Variants in TRIM60 observed in about 807,000 individuals in gnomAD.
The protein encoded by TRIM60 is tripartite motif-containing protein 60.
For missense variants in TRIM60, 524 were observed against 540.8 expected, an observed-to-expected ratio of 0.97 and a Z score of 0.31; for synonymous variants, 189 against 195.2, an observed-to-expected ratio of 0.97 and a Z score of 0.27.
intron 1 of TRIM60, among the ~76,000 whole-genome samples, chr4:165,037,559 G>A (rs1579180541): frequency 6.6e-6 from 1 of 151,968 alleles, no homozygotes; most frequent in African/African-American, 2.4e-5. Context: ...TCTTGATCTC[G>A]TGATCTGCCT....
At chr4:165,036,480 T>A (rs1579179640) in intron 1 of TRIM60, among the ~76,000 whole-genome samples, 1 of 152,150 alleles carries the variant, frequency 6.6e-6, no homozygotes, top group East Asian at 1.9e-4. Context: ...AGTGACAAAT[T>A]GTGGATGTCC....
rs1021956991 is a variant in TRIM60, at chr4:165,041,052, G to A, written c.980G>A (p.Cys327Tyr). The A allele has an allele frequency of 6.2e-7, 1 of 1,614,062 alleles. No individual in the cohort carries two copies. The highest frequency in any genetic ancestry group is 1.6e-4 in the Middle Eastern group (1 of 6,062). The change falls in exon 3 of 3, where the codon TGT becomes TAT. Residue 327 changes from cysteine to tyrosine, a missense_variant. Physicochemically the swap from Cys to Tyr is radical, Grantham distance 194. Coordinates refer to ENST00000512596, the MANE Select transcript of TRIM60 (RefSeq NM_152620.3). ...VRYERKKRNI[C>Y]YDPRRFYVCP... is the part of the protein sequence containing the mutation. ...TATGAAAGAAAAAAACGAAACATTT[G>A]TTATGACCCAAGGAGATTTTATGTC...
intron 1 of TRIM60, among the ~76,000 whole-genome samples, chr4:165,037,806 A>G (rs1351407484): frequency 2.0e-5 from 3 of 152,148 alleles, no homozygotes; most frequent in African/African-American, 7.2e-5. Flanking sequence ...CCTAAATTTT[A>G]TCTTTTGTAA....
At position 165,040,970 on chromosome 4, in the gene TRIM60, G is replaced by A. The variant is rs775207569; in HGVS notation, c.898G>A (p.Asp300Asn). The A allele has an allele frequency of 6.8e-6, 11 of 1,614,060 alleles. No homozygotes were observed. Among genetic ancestry groups the A allele is most frequent in the Non-Finnish European group, 9.3e-6 (11 of 1,179,946 alleles). The change falls in exon 3 of 3, where the codon GAT (aspartate) becomes AAT (asparagine). Residue 300 changes from aspartate to asparagine, a missense_variant. Asp to Asn is a conservative substitution (Grantham distance 23). Transcript: ENST00000512596. ...IKPFQVDVIL[D>N]LNTAHPQLLV... is the part of the protein sequence containing the mutation. ...GCCATTTCAAGTAGATGTGATTCTA[G>A]ATCTCAACACAGCACATCCTCAACT... is the stretch of plus-strand genomic sequence containing the variant.
At position 165,040,667 on chromosome 4, in the gene TRIM60, G is replaced by T. The variant is rs995040322; in HGVS notation, c.595G>T (p.Glu199Ter). The change falls in exon 3 of 3, where the codon GAG (glutamate) becomes TAG (stop). Residue 199 changes from glutamate to a stop codon, truncating the protein, a stop_gained. Transcript: ENST00000512596. LOFTEE classifies it low-confidence loss of function (END_TRUNC). Reference protein sequence around the residue: ...QIRLFLQNEQEMILRQIQDEE... With the variant: ...QIRLFLQNEQ ...AAGATTGTTTTTACAGAATGAACAA[G>T]AGATGATTCTTAGGCAGATACAAGA... 1 of 1,613,762 alleles carries T rather than the reference G, an allele frequency of 6.2e-7. No homozygotes were observed. The highest frequency in any genetic ancestry group is 1.3e-5 in the African/African-American group (1 of 74,920).
intron 1 of TRIM60, among the ~76,000 whole-genome samples, chr4:165,038,289 A>G (rs1733668524): frequency 6.6e-6 from 1 of 152,240 alleles, no homozygotes; most frequent in Non-Finnish European, 1.5e-5. Flanking sequence ...AATAGTACAT[A>G]CTCCATTTTT....
chr4:165,041,565 AAG>A lies in TRIM60; in HGVS notation c.*78_*79del. On this transcript the variant is annotated 3_prime_UTR_variant, in exon 3 of 3. Coordinates refer to ENST00000512596, the MANE Select transcript of TRIM60 (RefSeq NM_152620.3). ...ATTTAATCTCATTTCTGGACTCTTT[AAG>A]TTTTACCACTGAAAACCAGAGTCGA... The A allele has an allele frequency of 9.2e-7, 1 of 1,081,370 alleles. No individual in the cohort carries two copies. The highest frequency in any genetic ancestry group is 1.3e-6 in the Non-Finnish European group (1 of 786,794). 67.0% of individuals were successfully genotyped at this position (1,081,370 alleles called of 1,614,324 possible).
intron 1 of TRIM60, among the ~76,000 whole-genome samples, chr4:165,036,447 C>T (rs1466062204): frequency 6.6e-6 from 1 of 151,676 alleles, no homozygotes; most frequent in African/African-American, 2.4e-5. Flanking sequence ...TCTTAATTTC[C>T]CCCTCATTAG....
Position 165,041,603 on chromosome 4 carries a change from A to G in TRIM60, c.*115A>G, listed in dbSNP as rs1453190121. The G allele has an allele frequency of 5.8e-6, 4 of 689,768 alleles. No individual in the cohort carries two copies. Among genetic ancestry groups the G allele is most frequent in the Non-Finnish European group, 8.9e-6 (4 of 447,816 alleles). The allele number at this position is 689,768 out of a possible 1,614,324, so 42.7% of individuals were successfully genotyped here. Reference sequence around the variant, plus strand: ...GAAAACCAGAGTCGATTTTTCTCCTAAATTTTTGGCAACTATAAGATGTTC... The same window carrying G: ...GAAAACCAGAGTCGATTTTTCTCCTGAATTTTTGGCAACTATAAGATGTTC... On this transcript the variant is annotated 3_prime_UTR_variant, in exon 3 of 3. Transcript: ENST00000512596.
intron 1 of TRIM60, among the ~76,000 whole-genome samples, chr4:165,032,865 C>T (rs1259138658): frequency 6.6e-6 from 1 of 152,116 alleles, no homozygotes; most frequent in Non-Finnish European, 1.5e-5. Flanking sequence ...TTTATATTCA[C>T]TGAGCCCACA....
In TRIM60 at chr4:165,032,290, C is replaced by T. The variant is rs372794858; in HGVS notation, c.-57+178C>T. ...CTGAGACGGAGTCTCGCTCTGTCAC[C>T]CACGCTGGAGTGCAGTGGCGCAATC... is the stretch of plus-strand genomic sequence containing the variant. On this transcript the variant is annotated intron_variant, in intron 1 of 2. Transcript: ENST00000512596. 2.8e-3 allele frequency among the ~76,000 whole-genome samples: 421 copies of T among 152,346 alleles called. 3 individuals carry two copies. In the Middle Eastern group the frequency reaches 0.031, roughly 11 times the overall value.
At chr4:165,038,478 C>A (rs1733673081) in intron 1 of TRIM60, among the ~76,000 whole-genome samples, 1 of 151,660 alleles carries the variant, frequency 6.6e-6, no homozygotes, top group African/African-American at 2.4e-5. Flanking sequence ...TGTTCAAAAC[C>A]ACCCTGGCCA....
chr4:165,039,053 C>A (rs141762283), intron 1 of TRIM60, 148 bp from the exon 2 acceptor site: 8 of 151,776 alleles, frequency 5.3e-5, no homozygotes, highest in African/African-American at 1.9e-4. Flanking sequence ...CAGCGAAACT[C>A]CATCTCAAAA....
At chr4:165,034,943 T>C (rs1381750497) in intron 1 of TRIM60, among the ~76,000 whole-genome samples, 1 of 152,202 alleles carries the variant, frequency 6.6e-6, no homozygotes, top group Non-Finnish European at 1.5e-5. Context: ...GATTTCTAAA[T>C]GCACTTTTCA....
Position 165,040,999 on chromosome 4 carries a change from T to C in TRIM60, c.927T>C (p.Leu309=). The change falls in exon 3 of 3, where the codon CTT becomes CTC. Residue 309 remains leucine (L), a synonymous_variant. Transcript: ENST00000512596. Reference sequence around the variant, plus strand: ...TCAACACAGCACATCCTCAACTTCTTGTCTCTGAGGATAGAAAAGCTGTGC... The same window carrying C: ...TCAACACAGCACATCCTCAACTTCTCGTCTCTGAGGATAGAAAAGCTGTGC... ...LDLNTAHPQL[L]VSEDRKAVRY... 1 of 1,614,110 alleles carries C rather than the reference T, an allele frequency of 6.2e-7. No individual in the cohort carries two copies. The highest frequency in any genetic ancestry group is 8.5e-7 in the Non-Finnish European group (1 of 1,179,944).
intron 2 of TRIM60, among the ~76,000 whole-genome samples, chr4:165,039,766 CCGCAG>C: frequency 1.4e-5 from 2 of 141,308 alleles, no homozygotes; most frequent in South Asian, 2.2e-4. Flanking sequence ...CCACTGCAGT[CCGCAG>C]TCCGGCCTGG....
intron 1 of TRIM60, among the ~76,000 whole-genome samples, chr4:165,037,830 C>G (rs190380634): frequency 6.6e-6 from 1 of 152,098 alleles, no homozygotes; most frequent in African/African-American, 2.4e-5. Flanking sequence ...TGACATTATT[C>G]TCTATTTGTA....
intron 1 of TRIM60, among the ~76,000 whole-genome samples, chr4:165,034,391 A>G (rs1385243095): frequency 6.6e-6 from 1 of 152,034 alleles, no homozygotes; most frequent in Non-Finnish European, 1.5e-5. Context: ...AGACCTCATG[A>G]TCCACCCACC....
At chr4:165,033,792 T>C (rs998036698) in intron 1 of TRIM60, among the ~76,000 whole-genome samples, 1 of 152,104 alleles carries the variant, frequency 6.6e-6, no homozygotes, top group African/African-American at 2.4e-5. Flanking sequence ...ATGAAGGTAG[T>C]GAGTTGGCGC....
Sources: gnomAD v4.1 joint callset for allele counts (sites outside exome capture counted in the v4.1 genomes callset) on GRCh38, gnomAD v4.1.1 for gene constraint, MANE v1.5 for transcripts, NCBI Gene and HGNC (gene_info 2026-07-23, HGNC 2026-07-21) for gene names.